Variants in USP2 observed in about 807,000 individuals in gnomAD.
USP2 encodes the protein ubiquitin specific peptidase 2, also known as ubiquitin carboxyl-terminal hydrolase 2.
A neutral mutation model predicts 72.0 loss-of-function variants in USP2; 33 were observed. That is an observed-to-expected ratio of 0.46 (90% confidence interval 0.35 to 0.61). USP2 has a LOEUF of 0.61. Ranked by LOEUF, USP2 falls within the 20% of genes least tolerant of loss-of-function variation. The pLI is 0.01. For synonymous variants in USP2, 296 were observed against 312.5 expected (o/e 0.95, Z 0.56); for missense variants, 691 against 797.8 (o/e 0.87, Z 1.61).
chr11:119,360,717 G>A (rs900645858), intron 2 of USP2, among the ~76,000 whole-genome samples: 7 of 152,112 alleles, frequency 4.6e-5, no homozygotes, highest in Admixed American at 1.3e-4. Context: ...GAGCCACCGC[G>A]TCCTGCCTAA....
intron 1 of USP2, among the ~76,000 whole-genome samples, chr11:119,374,462 C>T (rs775747754): frequency 6.6e-6 from 1 of 152,198 alleles, no homozygotes; most frequent in Non-Finnish European, 1.5e-5. Context: ...TTGAGAGCCC[C>T]AGAGGATCAT....
At chr11:119,364,542 C>T (rs1426753965) in intron 2 of USP2, among the ~76,000 whole-genome samples, 1 of 152,218 alleles carries the variant, frequency 6.6e-6, no homozygotes, top group Non-Finnish European at 1.5e-5. Context: ...TGAGCTTCCC[C>T]CAAGGCACCA....
Position 119,359,585 on chromosome 11 carries a change from T to G in USP2, c.901A>C (p.Met301Leu), listed in dbSNP as rs569626060. Reference protein sequence around the residue: ...LRDYCLQRLYMRDLHHGSNAH... With the variant: ...LRDYCLQRLYLRDLHHGSNAH... Reference sequence around the variant, plus strand: ...TTGCTGCCGTGGTGCAGGTCCCGCATGTAGAGCCTCTGGAGGCAGTAATCT... The same window carrying G: ...TTGCTGCCGTGGTGCAGGTCCCGCAGGTAGAGCCTCTGGAGGCAGTAATCT... Residue 301 changes from methionine to leucine, a missense_variant, in exon 4 of 13, where the codon ATG (methionine) becomes CTG (leucine). Physicochemically the swap from Met to Leu is conservative, Grantham distance 15. Transcript: ENST00000260187. 50 of 1,613,902 alleles carry G rather than the reference T, an allele frequency of 3.1e-5. No individual in the cohort carries two copies. The highest frequency in any genetic ancestry group is 4.2e-5 in the Non-Finnish European group (50 of 1,180,026).
chr11:119,373,822 C>T (rs1365477473), intron 1 of USP2, among the ~76,000 whole-genome samples: 1 of 152,192 alleles, frequency 6.6e-6, no homozygotes, highest in African/African-American at 2.4e-5. Context: ...CTGACCTCCA[C>T]AGCCCACCAA....
intron 2 of USP2, 110 bp downstream of exon 2, chr11:119,372,597 G>T: frequency 8.8e-7 from 1 of 1,141,688 alleles, no homozygotes; most frequent in Non-Finnish European, 1.2e-6. Context: ...GTCTCCACCA[G>T]GAGCAGCCTG....
intron 1 of USP2, among the ~76,000 whole-genome samples, chr11:119,374,870 A>G (rs904119912): frequency 1.3e-5 from 2 of 152,170 alleles, no homozygotes; most frequent in Admixed American, 1.3e-4. Flanking sequence ...CTGAGCCCCA[A>G]CTTCCTCATC....
rs1950691965 is a variant in USP2, at chr11:119,357,757, G to A, written c.1501C>T (p.His501Tyr). 2 of 1,613,706 alleles carry A rather than the reference G, an allele frequency of 1.2e-6. No homozygotes were observed. The highest frequency in any genetic ancestry group is 8.5e-7 in the Non-Finnish European group (1 of 1,180,028). ...CAGCCCTGATGGATCTTAAGGATAC[G>A]GAGCACCAAGATCTTTGGGAACCTC... ...IQRFPKILVLHLKRFSESRIR... is the reference protein window; with the variant it reads ...IQRFPKILVLYLKRFSESRIR... Residue 501 changes from histidine (H) to tyrosine (Y), a missense_variant and splice_region_variant, in exon 10 of 13, where the codon CAT becomes TAT. Transcript: ENST00000260187.
rs868825427 is a variant in USP2 at position 119,380,850 on chromosome 11, A to G, written c.-42+623T>C. 5 of 155,590 alleles carry G rather than the reference A, an allele frequency of 3.2e-5. No homozygotes were observed. The South Asian group carries it at 6.0e-4, about 19-fold the overall frequency. The allele number at this position is 155,590 out of a possible 1,614,324, so 9.6% of individuals were successfully genotyped here. A position where few individuals can be genotyped will look rare whatever the true frequency, so the allele number is the denominator to read the frequency against. On this transcript the variant is annotated intron_variant, in intron 1 of 12. Coordinates refer to ENST00000260187, the MANE Select transcript of USP2 (RefSeq NM_004205.5). ...GGGGAGGTGAGCAGCCCCTACCACT[A>G]CCTCCAGCTCAGTCCCATTCTAAAG...
In USP2 at chr11:119,372,750, G is replaced by T. The variant is rs2082709846; in HGVS notation, c.731C>A (p.Ala244Asp). 2.6e-6 allele frequency: 4 copies of T among 1,550,764 alleles called. No homozygotes were observed. Among genetic ancestry groups the T allele is most frequent in the Non-Finnish European group, 3.5e-6 (4 of 1,152,500 alleles). ...GGAGCTGGAGCGGCTGGGCCCAGGGGCCTGACCCTTTCCCGTCTCCCACAG... is the reference window on the plus strand; with the variant it reads ...GGAGCTGGAGCGGCTGGGCCCAGGGTCCTGACCCTTTCCCGTCTCCCACAG... ...YTLWETGKGQ[A>D]PGPSRSSSPG... Residue 244 changes from alanine to aspartate, a missense_variant, in exon 2 of 13, where the codon GCC (alanine) becomes GAC (aspartate). Ala to Asp is a moderately radical substitution (Grantham distance 126, BLOSUM62 -2). Coordinates refer to ENST00000260187, the MANE Select transcript of USP2 (RefSeq NM_004205.5).
chr11:119,360,104 GA>G, intron 3 of USP2, 79 bp downstream of exon 3: 1 of 1,546,934 alleles, frequency 6.5e-7, no homozygotes, highest in South Asian at 1.2e-5. Flanking sequence ...GCCACAACCA[GA>G]AGGGGACTCT....
At position 119,355,906 on chromosome 11, in the gene USP2, T is replaced by A. The variant is rs1950641299; in HGVS notation, c.*929A>T. 6.6e-6 allele frequency: 1 copy of A among 151,920 alleles called. No homozygotes were observed. The highest frequency in any genetic ancestry group is 1.5e-5 in the Non-Finnish European group (1 of 67,964). 9.4% of individuals were successfully genotyped at this position (151,920 alleles called of 1,614,324 possible). A position where few individuals can be genotyped will look rare whatever the true frequency, so the allele number is the denominator to read the frequency against. ...CAACGAGCCAGGGCTAAGGGCAGGA[T>A]CCCTTTCCCAGGCGGGTTTGAACAG... On this transcript the variant is annotated 3_prime_UTR_variant, in exon 13 of 13. Coordinates refer to ENST00000260187, the MANE Select transcript of USP2 (RefSeq NM_004205.5).
At position 119,373,082 on chromosome 11, in the gene USP2, C is replaced by T; in HGVS notation, c.399G>A (p.Gly133=). The T allele has an allele frequency of 5.6e-6, 9 of 1,614,086 alleles. No individual in the cohort carries two copies. Among genetic ancestry groups the T allele is most frequent in the Non-Finnish European group, 7.6e-6 (9 of 1,180,016 alleles). Residue 133 remains glycine (G), a synonymous_variant, in exon 2 of 13, where the codon GGG becomes GGA. Transcript: ENST00000260187. ...SYLPINAYDQ[G]VTLTQKLDSQ... ...TGTCCAGCTTCTGGGTTAGGGTCAC[C>T]CCCTGGTCATAGGCATTGATGGGCA...
chr11:119,364,177 C>G, intron 2 of USP2: 2 of 1,187,902 alleles, frequency 1.7e-6, no homozygotes, highest in Non-Finnish European at 2.1e-6. Flanking sequence ...CCGCCAACAG[C>G]CCGGGTCCCG....
chr11:119,368,934 G>A (rs1015786985), intron 2 of USP2, among the ~76,000 whole-genome samples: 4 of 152,182 alleles, frequency 2.6e-5, no homozygotes, highest in Middle Eastern at 3.2e-3. Context: ...AGGAAGGATT[G>A]TAGGGGTTAA....
chr11:119,366,460 G>A (rs762325868), intron 2 of USP2, among the ~76,000 whole-genome samples: 6 of 152,150 alleles, frequency 3.9e-5, no homozygotes, highest in Non-Finnish European at 5.9e-5. Flanking sequence ...CAGTCTATGC[G>A]CATTCAGTTT....
At position 119,381,664 on chromosome 11, in the gene USP2, C is replaced by G; in HGVS notation, c.-233G>C. On this transcript the variant is annotated 5_prime_UTR_variant, in exon 1 of 13. Coordinates refer to ENST00000260187, the MANE Select transcript of USP2 (RefSeq NM_004205.5). ...GACCTCCCCGGGAAATCGGCGCCAC[C>G]CAGCGGGCAGCCGCCTCATCGCGCC... is the stretch of plus-strand genomic sequence containing the variant. 9.3e-7 allele frequency: 1 copy of G among 1,071,188 alleles called. No individual in the cohort carries two copies. The highest frequency in any genetic ancestry group is 1.4e-5 in the South Asian group (1 of 72,046). The allele number at this position is 1,071,188 out of a possible 1,614,324, so 66.4% of individuals were successfully genotyped here. A position where few individuals can be genotyped will look rare whatever the true frequency, so the allele number is the denominator to read the frequency against.
Position 119,359,266 on chromosome 11 carries a change from C to G in USP2, c.1026G>C (p.Gln342His). Residue 342 changes from glutamine to histidine, a missense_variant, in exon 5 of 13, where the codon CAG becomes CAC. Gln to His is a conservative substitution (Grantham distance 24). Coordinates refer to ENST00000260187, the MANE Select transcript of USP2 (RefSeq NM_004205.5). ...CAAAGCGCGGTGCGTATCTCTGGAT[C>G]TGGGTCTTGAACTCAGATGGGCTCA... ...DVVSPSEFKT[Q>H]IQRYAPRFVG... 2 of 1,614,054 alleles carry G rather than the reference C, an allele frequency of 1.2e-6. No homozygotes were observed. Among genetic ancestry groups the G allele is most frequent in the Non-Finnish European group, 1.7e-6 (2 of 1,180,030 alleles).
At position 119,360,249 on chromosome 11, in the gene USP2, CAT is replaced by C. The variant is rs747156498; in HGVS notation, c.775-17_775-16del. On this transcript the variant is annotated splice_polypyrimidine_tract_variant and intron_variant, in intron 2 of 12. Coordinates refer to ENST00000260187, the MANE Select transcript of USP2 (RefSeq NM_004205.5). ...CTCTTAGAATTCTGTAAGCAAAGAACATATGGCAATAAGGTGGAAGCAAAGAT... is the reference window on the plus strand; with the variant it reads ...CTCTTAGAATTCTGTAAGCAAAGAACATGGCAATAAGGTGGAAGCAAAGAT... 6.2e-7 allele frequency: 1 copy of C among 1,613,790 alleles called. No homozygotes were observed. Among genetic ancestry groups the C allele is most frequent in the East Asian group, 2.2e-5 (1 of 44,880 alleles).
chr11:119,376,413 G>T, intron 1 of USP2: 1 of 985,606 alleles, frequency 1.0e-6, no homozygotes, highest in Non-Finnish European at 1.2e-6. Flanking sequence ...AAGCCAATTG[G>T]CTGGGATCCC....
Sources: gnomAD v4.1 joint callset for allele counts (sites outside exome capture counted in the v4.1 genomes callset) on GRCh38, gnomAD v4.1.1 for gene constraint, MANE v1.5 for transcripts, NCBI Gene and HGNC (gene_info 2026-07-23, HGNC 2026-07-21) for gene names.